RBMS3: variants seen among roughly 807,000 people sequenced by gnomAD.
RBMS3 encodes the protein RNA-binding motif, single-stranded-interacting protein 3.
In RBMS3, 27 loss-of-function variants were observed where a neutral mutation model predicts 66.8. The observed-to-expected ratio is 0.40, with a 90% CI of 0.30 to 0.56. The LOEUF is 0.56. Ranked by LOEUF, RBMS3 falls within the 20% of genes least tolerant of loss-of-function variation. The probability of loss-of-function intolerance (pLI) is 0.40; values close to 1 mark genes in which losing one functional copy is unlikely to be tolerated. For missense variants in RBMS3, 513 were observed against 549.5 expected, an observed-to-expected ratio of 0.93 and a Z score of 0.66; for synonymous variants, 188 against 183.0, an observed-to-expected ratio of 1.03 and a Z score of -0.22.
chr3:29,824,736 A>G (rs372698700), intron 6 of RBMS3, among the ~76,000 whole-genome samples: 3 of 152,324 alleles, frequency 2.0e-5, no homozygotes, highest in Non-Finnish European at 4.4e-5. Context: ...AAACCTATAT[A>G]ACAAATTCCA....
intron 1 of RBMS3, among the ~76,000 whole-genome samples, chr3:29,401,102 T>G (rs1018991447): frequency 2.0e-5 from 3 of 152,020 alleles, no homozygotes; most frequent in African/African-American, 7.2e-5. Flanking sequence ...TAACTGCTGG[T>G]GTCATATGGG....
chr3:29,341,774 A>G (rs889325478), intron 1 of RBMS3, among the ~76,000 whole-genome samples: 4 of 152,150 alleles, frequency 2.6e-5, no homozygotes, highest in Admixed American at 6.6e-5. Context: ...TATTTAACAT[A>G]TATGAAATTA....
chr3:29,670,929 C>G (rs2050972591), intron 4 of RBMS3, among the ~76,000 whole-genome samples: 1 of 152,214 alleles, frequency 6.6e-6, no homozygotes. Context: ...AGTTTGAGAT[C>G]TGAGAATGGA....
At chr3:29,739,427 G>A (rs954420910) in intron 4 of RBMS3, among the ~76,000 whole-genome samples, 9 of 141,656 alleles carry the variant, frequency 6.4e-5, no homozygotes, top group Non-Finnish European at 1.2e-4. Flanking sequence ...CTGCACTCCA[G>A]CCTGGGCTAC....
chr3:29,945,552 C>T (rs1456879087), intron 12 of RBMS3, among the ~76,000 whole-genome samples: 2 of 151,540 alleles, frequency 1.3e-5, no homozygotes, highest in Non-Finnish European at 3.0e-5. Context: ...GGATTTAGGG[C>T]CCCTGGGAAG....
intron 3 of RBMS3, among the ~76,000 whole-genome samples, chr3:29,491,723 GT>G (rs2043551517): frequency 6.6e-6 from 1 of 152,222 alleles, no homozygotes; most frequent in Non-Finnish European, 1.5e-5. Context: ...GCCGGGCGCA[GT>G]GGCTCATGCC....
chr3:29,434,672 C>A, intron 1 of RBMS3, 71 bp from the exon 2 acceptor site: 1 of 1,549,964 alleles, frequency 6.5e-7, no homozygotes, highest in South Asian at 1.3e-5. Flanking sequence ...ACATTGATTT[C>A]AAGTTGTGCT....
Position 29,364,424 on chromosome 3 carries a change from C to A in RBMS3, c.76-70319C>A, listed in dbSNP as rs529129661. 6.6e-5 allele frequency among the ~76,000 whole-genome samples: 10 copies of A among 152,234 alleles called. No homozygotes were observed. The South Asian group carries it at 2.1e-3, about 32-fold the overall frequency. Reference sequence around the variant, plus strand: ...GAGCTTCCAGGGGTTTTATCATAAACACAGTATGTCTTATCTAGGTATTCT... The same window carrying A: ...GAGCTTCCAGGGGTTTTATCATAAAAACAGTATGTCTTATCTAGGTATTCT... On this transcript the variant is annotated intron_variant, in intron 1 of 14. Coordinates refer to ENST00000383767, the MANE Select transcript of RBMS3 (RefSeq NM_001003793.3).
chr3:29,323,557 A>G (rs1385792268), intron 1 of RBMS3, among the ~76,000 whole-genome samples: 3 of 152,074 alleles, frequency 2.0e-5, no homozygotes, highest in East Asian at 3.9e-4. Flanking sequence ...CACACATAGT[A>G]AAATTAACAG....
intron 1 of RBMS3, among the ~76,000 whole-genome samples, chr3:29,369,939 A>C (rs1405666217): frequency 6.6e-6 from 1 of 152,080 alleles, no homozygotes; most frequent in Non-Finnish European, 1.5e-5. Context: ...CTTTGGCTTA[A>C]TTAATCTGAA....
At chr3:29,330,289 T>C (rs1316621166) in intron 1 of RBMS3, among the ~76,000 whole-genome samples, 3 of 152,066 alleles carry the variant, frequency 2.0e-5, no homozygotes, top group Non-Finnish European at 4.4e-5. Flanking sequence ...TCAGAGTGGG[T>C]GTTTGTTTGT....
rs561277463 is a variant in RBMS3 at position 29,435,112 on chromosome 3, TG to T, written c.248+199del. ...AATTGGTTTACTTTTTGTTGTTGAG[TG>T]GAAGTTCTTGAGCACATATACATGG... On this transcript the variant is annotated intron_variant, in intron 2 of 14. Transcript: ENST00000383767. The T allele has an allele frequency of 1.9e-4, 113 of 590,414 alleles. 1 individual carries two copies. The African/African-American group carries it at 2.0e-3, about 11-fold the overall frequency. 36.6% of individuals were successfully genotyped at this position (590,414 alleles called of 1,614,324 possible).
chr3:29,311,976 T>C (rs1160560125), intron 1 of RBMS3, among the ~76,000 whole-genome samples: 2 of 151,812 alleles, frequency 1.3e-5, no homozygotes, highest in African/African-American at 4.8e-5. Context: ...TTCCACAGTG[T>C]ACTTGTGCTG....
At chr3:29,675,633 T>C (rs537465995) in intron 4 of RBMS3, among the ~76,000 whole-genome samples, 67 of 152,314 alleles carry the variant, frequency 4.4e-4, no homozygotes, top group African/African-American at 1.6e-3. Flanking sequence ...GAATAGACAC[T>C]TCTCAAAAGA....
chr3:29,338,711 C>T (rs1383717289), intron 1 of RBMS3, among the ~76,000 whole-genome samples: 1 of 130,572 alleles, frequency 7.7e-6, no homozygotes, highest in Admixed American at 7.7e-5. Context: ...CCTCTCCTCT[C>T]CTCTCCTCTC....
intron 5 of RBMS3, among the ~76,000 whole-genome samples, chr3:29,747,810 G>A (rs114564001): frequency 0.023 from 3,450 of 152,216 alleles, 52 homozygotes; most frequent in Non-Finnish European, 0.032. Context: ...AGGAAAGAGC[G>A]GGCAAACAGG....
At chr3:29,935,659 T>C (rs1212911040) in intron 10 of RBMS3, among the ~76,000 whole-genome samples, 1 of 152,132 alleles carries the variant, frequency 6.6e-6, no homozygotes, top group African/African-American at 2.4e-5. Flanking sequence ...GACTAAGAAT[T>C]ATGTATGTAT....
chr3:29,463,615 A>G (rs780988724), intron 2 of RBMS3, among the ~76,000 whole-genome samples: 23 of 31,592 alleles, frequency 7.3e-4, no homozygotes, highest in African/African-American at 1.1e-3. Flanking sequence ...TGGTTAGTTG[A>G]AAAAAAAAAA....
chr3:29,658,682 G>T (rs954682748), intron 4 of RBMS3, among the ~76,000 whole-genome samples: 1 of 152,236 alleles, frequency 6.6e-6, no homozygotes, highest in African/African-American at 2.4e-5. Context: ...CATTCATGCC[G>T]TAATTTGGTG....
Sources: allele counts gnomAD v4.1 joint callset (sites outside exome capture counted in the v4.1 genomes callset), GRCh38; gene constraint gnomAD v4.1.1; transcripts MANE v1.5; gene names NCBI Gene and HGNC (gene_info 2026-07-23, HGNC 2026-07-21).